Variants in PDE4D observed in about 807,000 individuals in gnomAD.
PDE4D encodes phosphodiesterase 4D.
PDE4D carries 24 observed loss-of-function variants against 87.4 expected under a neutral mutation model. The observed-to-expected ratio is 0.27, with a 90% CI of 0.20 to 0.39. The LOEUF (loss-of-function observed/expected upper bound fraction) is 0.39, where lower values mean the gene tolerates loss of function less well. Among genes scored for constraint, PDE4D ranks in the 10% least tolerant of loss-of-function variants. The probability of loss-of-function intolerance (pLI) is 1.00; values close to 1 mark genes in which losing one functional copy is unlikely to be tolerated. For missense variants in PDE4D, 714 were observed against 1,041.0 expected, an observed-to-expected ratio of 0.69 and a Z score of 4.32; for synonymous variants, 384 against 383.2, an observed-to-expected ratio of 1.00 and a Z score of -0.02.
At position 60,516,091 on chromosome 5, in the gene PDE4D, A is replaced by G. The variant is rs77958402; in HGVS notation, n.70+5960T>C. On this transcript the variant is annotated intron_variant and non_coding_transcript_variant, in intron 1 of 2. Coordinates refer to the PDE4D transcript ENST00000506510. ...ATACCATTTCACTTGTGCTCAGATT[A>G]AGCCTGTTTTGTGAATATTAAGTTT... 8.0e-3 allele frequency among the ~76,000 whole-genome samples: 1,216 copies of G among 152,348 alleles called. 13 individuals are homozygous for G. The highest frequency in any genetic ancestry group is 0.027 in the African/African-American group (1,140 of 41,576).
At chr5:59,531,694 G>T (rs1277058268) in intron 1 of PDE4D, among the ~76,000 whole-genome samples, 1 of 152,132 alleles carries the variant, frequency 6.6e-6, no homozygotes, top group Non-Finnish European at 1.5e-5. Flanking sequence ...AGTTGCATCT[G>T]TCTGACCCTT....
At chr5:60,327,548 C>G (rs1756915055) in intron 1 of PDE4D, among the ~76,000 whole-genome samples, 1 of 152,144 alleles carries the variant, frequency 6.6e-6, no homozygotes, top group African/African-American at 2.4e-5. Context: ...GCATATTCTG[C>G]CATCCTTCAA....
intron 1 of PDE4D, among the ~76,000 whole-genome samples, chr5:59,744,223 T>C (rs1369494252): frequency 6.6e-6 from 1 of 152,112 alleles, no homozygotes; most frequent in South Asian, 2.1e-4. Context: ...TAATTCATAA[T>C]GGAGGAATCT....
intron 3 of PDE4D, among the ~76,000 whole-genome samples, chr5:59,944,997 A>T (rs1757585122): frequency 6.6e-6 from 1 of 152,338 alleles, no homozygotes; most frequent in South Asian, 2.1e-4. Context: ...GTTATTTTTA[A>T]TTTAAGATAT....
At chr5:59,191,129 A>G (rs1466784066) in intron 3 of PDE4D, among the ~76,000 whole-genome samples, 2 of 152,180 alleles carry the variant, frequency 1.3e-5, no homozygotes, top group East Asian at 1.9e-4. Flanking sequence ...TAAATAGCTT[A>G]CTAACATGGA....
chr5:59,682,540 TATG>T (rs1749200119), intron 1 of PDE4D, among the ~76,000 whole-genome samples: 1 of 152,202 alleles, frequency 6.6e-6, no homozygotes, highest in Admixed American at 6.5e-5. Flanking sequence ...TAATCAGCAA[TATG>T]ATGGTATTTA....
At chr5:59,513,366 A>C (rs1391429195) in intron 1 of PDE4D, among the ~76,000 whole-genome samples, 1 of 152,212 alleles carries the variant, frequency 6.6e-6, no homozygotes, top group Non-Finnish European at 1.5e-5. Context: ...TTAGCACATC[A>C]TCTAGATGAT....
intron 2 of PDE4D, among the ~76,000 whole-genome samples, chr5:59,989,087 C>CAT (rs541522751): frequency 0.086 from 8,587 of 100,218 alleles, 336 homozygotes; most frequent in Middle Eastern, 0.16. Flanking sequence ...ATGCATGTGT[C>CAT]ATATATATAT....
intron 1 of PDE4D, among the ~76,000 whole-genome samples, chr5:59,731,077 T>C (rs1348401239): frequency 6.6e-6 from 1 of 152,114 alleles, no homozygotes; most frequent in Non-Finnish European, 1.5e-5. Context: ...CATTCTTATT[T>C]ATATAAGCCT....
intron 6 of PDE4D, among the ~76,000 whole-genome samples, chr5:59,022,984 G>C (rs1360377781): frequency 6.6e-6 from 1 of 152,140 alleles, no homozygotes; most frequent in Admixed American, 6.5e-5. Context: ...GACCAGCCTG[G>C]CCAACATAGT....
At chr5:60,027,123 T>C (rs930508181) in intron 2 of PDE4D, among the ~76,000 whole-genome samples, 6 of 152,288 alleles carry the variant, frequency 3.9e-5, no homozygotes, top group Middle Eastern at 3.4e-3. Flanking sequence ...GTTTGTTACA[T>C]GGATATGTTG....
intron 1 of PDE4D, among the ~76,000 whole-genome samples, chr5:59,403,223 A>C (rs918334731): frequency 1.3e-5 from 2 of 151,958 alleles, no homozygotes; most frequent in Admixed American, 6.6e-5. Context: ...AGATATTTTC[A>C]TACAGGCAAG....
chr5:59,236,474 C>G (rs1159683216), intron 1 of PDE4D, among the ~76,000 whole-genome samples: 1 of 152,124 alleles, frequency 6.6e-6, no homozygotes, highest in Non-Finnish European at 1.5e-5. Flanking sequence ...GAAGCTGGAT[C>G]CAGGAATCTC....
chr5:59,445,917 T>C (rs1281414206), intron 1 of PDE4D, among the ~76,000 whole-genome samples: 2 of 152,194 alleles, frequency 1.3e-5, no homozygotes, highest in African/African-American at 4.8e-5. Flanking sequence ...GTCTTTTGTC[T>C]GCCCCATGGT....
chr5:59,406,524 G>A (rs1380843214), intron 1 of PDE4D, among the ~76,000 whole-genome samples: 1 of 151,676 alleles, frequency 6.6e-6, no homozygotes, highest in Non-Finnish European at 1.5e-5. Context: ...CTGAGTAGCT[G>A]GGATTACAGG....
intron 1 of PDE4D, among the ~76,000 whole-genome samples, chr5:59,239,041 C>T (rs1757099401): frequency 6.6e-6 from 1 of 152,156 alleles, no homozygotes; most frequent in South Asian, 2.1e-4. Context: ...TAAGCAACAG[C>T]AAACATGGGA....
At chr5:60,214,461 T>C (rs1023535398) in intron 1 of PDE4D, among the ~76,000 whole-genome samples, 1 of 152,202 alleles carries the variant, frequency 6.6e-6, no homozygotes, top group African/African-American at 2.4e-5. Flanking sequence ...GTTTGTTACC[T>C]ACGAGTAAGG....
chr5:59,639,420 A>C (rs1430379340), intron 1 of PDE4D, among the ~76,000 whole-genome samples: 1 of 150,178 alleles, frequency 6.7e-6, no homozygotes, highest in African/African-American at 2.5e-5. Context: ...AGAAAAGACT[A>C]AAAGACTAAG....
At chr5:60,270,911 T>C (rs1183100204) in intron 1 of PDE4D, among the ~76,000 whole-genome samples, 3 of 152,210 alleles carry the variant, frequency 2.0e-5, no homozygotes, top group Non-Finnish European at 2.9e-5. Flanking sequence ...CAAGCAAAGA[T>C]GTAGCTGAAT....
Sources: gnomAD v4.1 joint callset for allele counts (sites outside exome capture counted in the v4.1 genomes callset) on GRCh38, gnomAD v4.1.1 for gene constraint, MANE v1.5 for transcripts, NCBI Gene and HGNC (gene_info 2026-07-23, HGNC 2026-07-21) for gene names.